KALRN: variants seen among roughly 807,000 people sequenced by gnomAD.
The protein encoded by KALRN is kalirin RhoGEF kinase, also known as kalirin.
In KALRN, 70 loss-of-function variants were observed where a neutral mutation model predicts 353.7. The observed-to-expected ratio is 0.20, with a 90% CI of 0.16 to 0.24. The LOEUF (loss-of-function observed/expected upper bound fraction) is 0.24. Among genes scored for constraint, KALRN ranks in the 10% least tolerant of loss-of-function variants. KALRN has a pLI of 1.00. For missense variants in KALRN, 2,791 were observed against 3,756.7 expected, an observed-to-expected ratio of 0.74 and a Z score of 6.72; for synonymous variants, 1,391 against 1,434.8, an observed-to-expected ratio of 0.97 and a Z score of 0.69.
At chr3:124,186,524 G>A (rs781074511) in intron 1 of KALRN, among the ~76,000 whole-genome samples, 1 of 152,176 alleles carries the variant, frequency 6.6e-6, no homozygotes, top group African/African-American at 2.4e-5. Flanking sequence ...GCCTTTTATG[G>A]TAAGTTCCAG....
chr3:124,534,854 C>T (rs954755485), intron 33 of KALRN, among the ~76,000 whole-genome samples: 2 of 152,108 alleles, frequency 1.3e-5, no homozygotes, highest in African/African-American at 4.8e-5. Context: ...ACAACAAGGA[C>T]AGTGTGATCC....
rs187118893 is a variant in KALRN, at chr3:124,569,414, G to A, written c.5182+6325G>A. ...AATGCCGGGCAAGTTTGATAATGTCGACTTGTGTTAAGTGTGTCACCAACT... is the reference window on the plus strand; with the variant it reads ...AATGCCGGGCAAGTTTGATAATGTCAACTTGTGTTAAGTGTGTCACCAACT... On this transcript the variant is annotated intron_variant, in intron 34 of 59. Coordinates refer to ENST00000682506, the MANE Select transcript of KALRN (RefSeq NM_001388419.1). Among the ~76,000 whole-genome samples, 301 of 152,240 alleles carry A rather than the reference G, an allele frequency of 2.0e-3. 3 individuals carry two copies. The highest frequency in any genetic ancestry group is 1.7e-3 in the South Asian group (8 of 4,822).
intron 1 of KALRN, among the ~76,000 whole-genome samples, chr3:124,064,058 T>TGATTGAGGTTTGATAGGCCCCATGTTAAG (rs2042164820): frequency 6.6e-6 from 1 of 152,176 alleles, no homozygotes; most frequent in African/African-American, 2.4e-5. Flanking sequence ...ATTTGTCAAG[T>TGATTGAGGTTTGATAGGCCCCATGTTAAG]GATTGAGGTT....
chr3:124,615,812 C>T (rs150694458), intron 34 of KALRN, among the ~76,000 whole-genome samples: 107 of 152,128 alleles, frequency 7.0e-4, no homozygotes, highest in East Asian at 1.7e-3. Flanking sequence ...GAGACTTTTG[C>T]GGGAAGAGCA....
intron 1 of KALRN, among the ~76,000 whole-genome samples, chr3:124,073,165 A>G (rs2060097929): frequency 6.6e-6 from 1 of 152,218 alleles, no homozygotes; most frequent in Admixed American, 6.5e-5. Context: ...TGGCTTATAC[A>G]TCAGCCTTGT....
chr3:124,046,190 T>C (rs1179761996), intron 1 of KALRN, among the ~76,000 whole-genome samples: 1 of 152,182 alleles, frequency 6.6e-6, no homozygotes, highest in Non-Finnish European at 1.5e-5. Flanking sequence ...AAACTTTGAA[T>C]GTTTGAAAAA....
chr3:124,146,874 CAAAAA>C lies in KALRN; in HGVS notation c.74-81100_74-81096del, dbSNP rs34633708. Among the ~76,000 whole-genome samples, 3 of 49,936 alleles carry C rather than the reference CAAAAA, an allele frequency of 6.0e-5. No homozygotes were observed. The East Asian group carries it at 2.0e-3, about 33-fold the overall frequency. 32.8% of individuals were successfully genotyped at this position (49,936 alleles called of 152,430 possible). A position where few individuals can be genotyped will look rare whatever the true frequency, so the allele number is the denominator to read the frequency against. ...CCTGGGCAATAGAGCGACTCTGTCT[CAAAAA>C]AAAAAAAAAAAAAAAGAAAAGAAAA... On this transcript the variant is annotated intron_variant, in intron 1 of 59. Transcript: ENST00000682506.
At chr3:124,490,619 A>C (rs2063054125) in intron 29 of KALRN, 75 bp from the exon 30 acceptor site, 1 of 1,407,026 alleles carries the variant, frequency 7.1e-7, no homozygotes, top group African/African-American at 1.4e-5. Flanking sequence ...GCCTTTCTCC[A>C]AGAGGGGGGT....
At position 124,222,576 on chromosome 3, in the gene KALRN, G is replaced by A. The variant is rs1035642140; in HGVS notation, c.74-5414G>A. ...CACAACTTCCCAAAGTGTAATGTGC[G>A]TATGGATCAGCTGGGTTTTTTTGTG... On this transcript the variant is annotated intron_variant, in intron 1 of 59. Transcript: ENST00000682506. 3.9e-5 allele frequency among the ~76,000 whole-genome samples: 6 copies of A among 152,130 alleles called. No homozygotes were observed. The South Asian group carries it at 6.2e-4, about 16-fold the overall frequency.
Position 124,152,547 on chromosome 3 carries a change from T to TTTTTCTTTTCTTTTCTTTTC in KALRN, c.74-75429_74-75410dup, listed in dbSNP as rs71142775. 78 of 435,836 alleles carry TTTTTCTTTTCTTTTCTTTTC rather than the reference T, an allele frequency of 1.8e-4. No individual in the cohort carries two copies. The African/African-American group carries it at 1.9e-3, about 11-fold the overall frequency. The allele number at this position is 435,836 out of a possible 1,614,324, so 27.0% of individuals were successfully genotyped here. A position where few individuals can be genotyped will look rare whatever the true frequency, so the allele number is the denominator to read the frequency against. On this transcript the variant is annotated intron_variant, in intron 1 of 59. Transcript: ENST00000682506. Reference sequence around the variant, plus strand: ...TACAGTGCTTTTCTTTTTCTTTTTCTTTTTCTTTTCTTTTCTTTTCTTTTC... The same window carrying TTTTTCTTTTCTTTTCTTTTC: ...TACAGTGCTTTTCTTTTTCTTTTTCTTTTTCTTTTCTTTTCTTTTCTTTTCTTTTCTTTTCTTTTCTTTTC...
At chr3:124,522,622 C>T (rs1232087369) in intron 33 of KALRN, among the ~76,000 whole-genome samples, 1 of 152,216 alleles carries the variant, frequency 6.6e-6, no homozygotes, top group Non-Finnish European at 1.5e-5. Context: ...AAAGCACAGA[C>T]TGCAGGGCTG....
At chr3:124,127,523 C>T (rs1410532475) in intron 1 of KALRN, among the ~76,000 whole-genome samples, 1 of 152,102 alleles carries the variant, frequency 6.6e-6, no homozygotes, top group Non-Finnish European at 1.5e-5. Context: ...TGATATTACC[C>T]ACTTTTGACC....
At chr3:124,511,678 C>T (rs991793907) in intron 33 of KALRN, among the ~76,000 whole-genome samples, 1 of 152,208 alleles carries the variant, frequency 6.6e-6, no homozygotes, top group African/African-American at 2.4e-5. Context: ...CAAACCTCTC[C>T]TCCAATGTGT....
chr3:124,328,863 C>A (rs994041501), intron 7 of KALRN, among the ~76,000 whole-genome samples: 1 of 152,144 alleles, frequency 6.6e-6, no homozygotes, highest in Non-Finnish European at 1.5e-5. Context: ...TATTACTAGT[C>A]CTTCAGGGAC....
chr3:124,212,936 G>A (rs543634573), intron 1 of KALRN, among the ~76,000 whole-genome samples: 30 of 151,528 alleles, frequency 2.0e-4, no homozygotes, highest in Non-Finnish European at 3.4e-4. Flanking sequence ...TATTCTTTGC[G>A]CATTTTTCAA....
chr3:124,380,125 A>T (rs2087137376), intron 10 of KALRN, among the ~76,000 whole-genome samples: 1 of 152,154 alleles, frequency 6.6e-6, no homozygotes, highest in South Asian at 2.1e-4. Flanking sequence ...TTCTCACTTC[A>T]TATTACCAAG....
chr3:124,653,307 T>A (rs1382102365), intron 38 of KALRN, among the ~76,000 whole-genome samples: 1 of 152,004 alleles, frequency 6.6e-6, no homozygotes, highest in Non-Finnish European at 1.5e-5. Flanking sequence ...AAGAAAAAAG[T>A]TGAGAATGGA....
intron 34 of KALRN, among the ~76,000 whole-genome samples, chr3:124,625,679 T>G (rs1029252824): frequency 1.7e-4 from 24 of 144,850 alleles, no homozygotes; most frequent in African/African-American, 6.5e-4. Context: ...TGCAAATGGA[T>G]TTGTACAATT....
chr3:124,489,380 G>A (rs1458391162), intron 29 of KALRN, among the ~76,000 whole-genome samples: 1 of 152,086 alleles, frequency 6.6e-6, no homozygotes, highest in Non-Finnish European at 1.5e-5. Flanking sequence ...ATAGTCTGTT[G>A]CAAATATGTA....
Sources: allele counts gnomAD v4.1 joint callset (sites outside exome capture counted in the v4.1 genomes callset), GRCh38; gene constraint gnomAD v4.1.1; transcripts MANE v1.5; gene names NCBI Gene and HGNC (gene_info 2026-07-23, HGNC 2026-07-21).